The following PARG variants were observed in gnomAD, a reference collection of about 807,000 sequenced individuals.
PARG encodes mitochondrial poly(ADP-ribose) glycohydrolase.
A neutral mutation model predicts 113.0 loss-of-function variants in PARG; 35 were observed. That is an observed-to-expected ratio of 0.31 (90% confidence interval 0.24 to 0.41). The LOEUF (loss-of-function observed/expected upper bound fraction) is 0.41. PARG is among the 10% of genes least tolerant of loss of function. The pLI is 1.00. For missense variants in PARG, 797 were observed against 1,169.4 expected (o/e 0.68, Z 4.64); for synonymous variants, 330 against 409.9 (o/e 0.81, Z 2.36).
intron 6 of PARG, among the ~76,000 whole-genome samples, chr10:49,916,877 G>C (rs1410248070): frequency 2.6e-5 from 4 of 151,988 alleles, no homozygotes; most frequent in Non-Finnish European, 5.9e-5. Flanking sequence ...GAGGCACACA[G>C]GTCTGAAAAC....
In PARG at chr10:49,933,249, G is replaced by C. The variant is rs1400621749; in HGVS notation, c.1199C>G (p.Ser400Cys). Residue 400 changes from serine (S) to cysteine (C), a missense_variant, in exon 3 of 18, where the codon TCT becomes TGT. This residue lies in a region of PARG where 252 missense variants were observed against 437.4 expected (regional missense o/e 0.58). Coordinates refer to ENST00000616448, the MANE Select transcript of PARG (RefSeq NM_003631.5). ...ISSLNVECRN[S>C]KQHGKKDSKI... ...AGAATCCTTTTTTCCATGTTGCTTA[G>C]AATTTCTGCATTCTACATTCAGGCT... The C allele has an allele frequency of 6.3e-7, 1 of 1,595,708 alleles. No homozygotes were observed. The highest frequency in any genetic ancestry group is 8.6e-7 in the Non-Finnish European group (1 of 1,167,838).
At chr10:49,856,835 C>A (rs1482652181) in intron 13 of PARG, among the ~76,000 whole-genome samples, 4 of 151,672 alleles carry the variant, frequency 2.6e-5, no homozygotes, top group East Asian at 2.0e-4. Flanking sequence ...TATGGAGAAA[C>A]CCTGTCTCTA....
chr10:49,918,342 TTC>T (rs1200896758), intron 6 of PARG, among the ~76,000 whole-genome samples: 3 of 152,236 alleles, frequency 2.0e-5, no homozygotes, highest in African/African-American at 7.2e-5. Flanking sequence ...TTCACTGTAA[TTC>T]TCTGATTATT....
At chr10:49,934,762 T>C (rs1838665804) in intron 2 of PARG, among the ~76,000 whole-genome samples, 1 of 151,148 alleles carries the variant, frequency 6.6e-6, no homozygotes, top group Admixed American at 6.6e-5. Context: ...GGCAGGAGAA[T>C]GGCGTGAACC....
At chr10:49,830,864 A>C (rs1844623007) in intron 16 of PARG, among the ~76,000 whole-genome samples, 1 of 152,230 alleles carries the variant, frequency 6.6e-6, no homozygotes, top group Non-Finnish European at 1.5e-5. Flanking sequence ...TACCTTAAGA[A>C]GATAATTACA....
chr10:49,887,524 T>A (rs1308223645), intron 7 of PARG, among the ~76,000 whole-genome samples: 1 of 152,214 alleles, frequency 6.6e-6, no homozygotes, highest in South Asian at 2.1e-4. Context: ...AATTTTGCCA[T>A]GTTACCTACA....
chr10:49,923,460 A>G (rs1554849902), intron 4 of PARG, among the ~76,000 whole-genome samples: 1 of 152,008 alleles, frequency 6.6e-6, no homozygotes, highest in Non-Finnish European at 1.5e-5. Context: ...ACACATGCAA[A>G]TATATATATA....
intron 7 of PARG, 41 bp downstream of exon 7, chr10:49,915,876 T>C: frequency 1.0e-6 from 1 of 995,618 alleles, no homozygotes; most frequent in Non-Finnish European, 1.6e-6. Flanking sequence ...TCTTATTGAG[T>C]TGTCAATAAT....
chr10:49,867,074 TAGGTC>T (rs1460105678), intron 10 of PARG: 1 of 152,164 alleles, frequency 6.6e-6, no homozygotes, highest in Non-Finnish European at 1.5e-5. Context: ...TATCTTACCA[TAGGTC>T]TAGACTAGAG....
At chr10:49,920,645 T>A (rs1459867055) in intron 6 of PARG, among the ~76,000 whole-genome samples, 7 of 147,398 alleles carry the variant, frequency 4.7e-5, no homozygotes, top group African/African-American at 1.5e-4. Flanking sequence ...TATATACACA[T>A]ATACGTATAT....
intron 15 of PARG, chr10:49,833,116 A>C (rs1554830618): frequency 2.8e-6 from 1 of 354,414 alleles, no homozygotes; most frequent in East Asian, 4.5e-5. Flanking sequence ...AAGAAATGAT[A>C]AATTCTAATA....
intron 7 of PARG, among the ~76,000 whole-genome samples, chr10:49,914,056 G>C (rs1159413616): frequency 2.0e-5 from 3 of 152,110 alleles, no homozygotes; most frequent in African/African-American, 7.2e-5. Context: ...ACCCGTTTCA[G>C]GCATGCTTCT....
intron 1 of PARG, among the ~76,000 whole-genome samples, chr10:49,937,231 C>T (rs1417811133): frequency 3.3e-5 from 5 of 152,180 alleles, no homozygotes; most frequent in African/African-American, 4.8e-5. Context: ...AATCCCAACA[C>T]TTTGGGAGGA....
chr10:49,848,332 A>C (rs1845607131), intron 13 of PARG, among the ~76,000 whole-genome samples: 1 of 148,950 alleles, frequency 6.7e-6, no homozygotes, highest in African/African-American at 2.5e-5. Context: ...CTGGTGACAG[A>C]GTGAGACTCT....
At chr10:49,927,366 G>GA (rs1554850871) in intron 4 of PARG, among the ~76,000 whole-genome samples, 44 of 121,136 alleles carry the variant, frequency 3.6e-4, no homozygotes, top group African/African-American at 1.3e-3. Flanking sequence ...AAGAAGGAAA[G>GA]AAGGAAAGAA....
At chr10:49,896,293 G>GTT (rs1227373916) in intron 7 of PARG, among the ~76,000 whole-genome samples, 1 of 151,662 alleles carries the variant, frequency 6.6e-6, no homozygotes, top group African/African-American at 2.4e-5. Flanking sequence ...GTTTTGTTTT[G>GTT]TTTTTTTTCT....
At chr10:49,828,109 A>AAC in intron 16 of PARG, among the ~76,000 whole-genome samples, 1 of 147,896 alleles carries the variant, frequency 6.8e-6, no homozygotes, top group South Asian at 2.1e-4. Context: ...AAAAAAAAAA[A>AAC]AAAAAAAAAA....
chr10:49,843,665 C>A, intron 13 of PARG, 33 bp from the exon 14 acceptor site: 1 of 1,352,002 alleles, frequency 7.4e-7, no homozygotes, highest in Non-Finnish European at 1.0e-6. Context: ...ATTAACTTCA[C>A]ACTTGATGGC....
intron 16 of PARG, among the ~76,000 whole-genome samples, chr10:49,829,905 A>G (rs1306042740): frequency 6.6e-6 from 1 of 152,200 alleles, no homozygotes; most frequent in Non-Finnish European, 1.5e-5. Flanking sequence ...TTATTGCATA[A>G]ATGTACCATA....
Sources: allele counts gnomAD v4.1 joint callset (sites outside exome capture counted in the v4.1 genomes callset), GRCh38; gene constraint gnomAD v4.1.1; regional missense constraint gnomAD v4.1.1; transcripts MANE v1.5; gene names NCBI Gene and HGNC (gene_info 2026-07-23, HGNC 2026-07-21).